PPP1R1C: variants seen among roughly 807,000 people sequenced by gnomAD.
PPP1R1C encodes protein phosphatase 1 regulatory subunit 1C.
PPP1R1C carries 15 observed loss-of-function variants against 17.4 expected under a neutral mutation model. The observed-to-expected ratio is 0.86, with a 90% CI of 0.58 to 1.33. The LOEUF (loss-of-function observed/expected upper bound fraction) is 1.33, where lower values mean the gene tolerates loss of function less well. Ranked by LOEUF, PPP1R1C falls within the 40% of genes most tolerant of loss-of-function variation. PPP1R1C has a pLI of 0.00. For missense variants in PPP1R1C, 143 were observed against 130.0 expected (o/e 1.10, Z -0.48); for synonymous variants, 35 against 43.1 (o/e 0.81, Z 0.73).
chr2:182,090,763 C>T (rs1264856075), intron 4 of PPP1R1C, among the ~76,000 whole-genome samples: 1 of 152,044 alleles, frequency 6.6e-6, no homozygotes, highest in Non-Finnish European at 1.5e-5. Context: ...TTTTCCAAAA[C>T]ATCTAAAGTT....
chr2:182,083,928 TACTTTTTA>T (rs1688553412), intron 4 of PPP1R1C, among the ~76,000 whole-genome samples: 1 of 152,142 alleles, frequency 6.6e-6, no homozygotes, highest in Non-Finnish European at 1.5e-5. Context: ...CAGCATCTGT[TACTTTTTA>T]ACTTTTTAAT....
intron 2 of PPP1R1C, among the ~76,000 whole-genome samples, chr2:182,039,377 T>C (rs777540957): frequency 6.6e-6 from 1 of 152,040 alleles, no homozygotes; most frequent in African/African-American, 2.4e-5. Context: ...TTTTGGGTTG[T>C]TGTTGTTGTT....
intron 2 of PPP1R1C, among the ~76,000 whole-genome samples, chr2:182,059,651 A>G (rs147248187): frequency 1.2e-4 from 19 of 152,252 alleles, no homozygotes; most frequent in Admixed American, 8.5e-4. Context: ...AGACAAGAAT[A>G]TAAGACTGAA....
intron 2 of PPP1R1C, among the ~76,000 whole-genome samples, chr2:182,021,204 T>G (rs1247447013): frequency 1.3e-5 from 2 of 151,882 alleles, no homozygotes; most frequent in Non-Finnish European, 2.9e-5. Context: ...GTAGAAAGAG[T>G]CCTTAATTGT....
At chr2:182,018,765 A>T (rs1686332257) in intron 2 of PPP1R1C, among the ~76,000 whole-genome samples, 1 of 152,198 alleles carries the variant, frequency 6.6e-6, no homozygotes, top group East Asian at 1.9e-4. Context: ...GGAACGAATG[A>T]TAAGGATCTG....
At position 181,962,333 on chromosome 2, in the gene PPP1R1C, G is replaced by T; in HGVS notation, n.111+7699G>T. ...GCCACCCCGGAAGCTGGTGGAGCGG[G>T]ACACGGATATCCGGGAACCAGAGCC... On this transcript the variant is annotated intron_variant and non_coding_transcript_variant, in intron 1 of 5. Coordinates refer to the PPP1R1C transcript ENST00000464264. The surrounding 1 kb of genome is among the most constrained non-coding windows in gnomAD (Gnocchi z 6.0). 1.1e-6 allele frequency: 1 copy of T among 941,178 alleles called. No homozygotes were observed. The highest frequency in any genetic ancestry group is 1.7e-6 in the Non-Finnish European group (1 of 599,158). 58.3% of individuals were successfully genotyped at this position (941,178 alleles called of 1,614,324 possible). A position where few individuals can be genotyped will look rare whatever the true frequency, so the allele number is the denominator to read the frequency against.
chr2:182,070,780 G>A (rs1263875572), intron 4 of PPP1R1C, among the ~76,000 whole-genome samples: 1 of 152,200 alleles, frequency 6.6e-6, no homozygotes, highest in African/African-American at 2.4e-5. Flanking sequence ...TGTACAGGAA[G>A]CATGATGCTA....
chr2:182,109,301 G>T (rs984959700), intron 4 of PPP1R1C, among the ~76,000 whole-genome samples: 1 of 152,060 alleles, frequency 6.6e-6, no homozygotes. Context: ...GCTTGTATTC[G>T]CATCCTTTAC....
intron 4 of PPP1R1C, among the ~76,000 whole-genome samples, chr2:182,110,927 C>T (rs3731690): frequency 0.68 from 102,745 of 151,710 alleles, 35,054 homozygotes; most frequent in African/African-American, 0.75. Context: ...GAAAAATGGG[C>T]ACTAGAGGGG....
intron 4 of PPP1R1C, among the ~76,000 whole-genome samples, chr2:182,116,102 C>T (rs1466632927): frequency 2.0e-5 from 3 of 152,014 alleles, no homozygotes; most frequent in African/African-American, 4.8e-5. Flanking sequence ...GATTTATACT[C>T]TAAATTTGAA....
chr2:182,041,670 T>A (rs935859016), intron 2 of PPP1R1C, among the ~76,000 whole-genome samples: 2 of 149,072 alleles, frequency 1.3e-5, no homozygotes, highest in African/African-American at 2.5e-5. Flanking sequence ...ATAAACTGTA[T>A]GAGCTAAGAA....
chr2:181,958,446 G>A (rs1382008408), intron 1 of PPP1R1C, among the ~76,000 whole-genome samples: 1 of 152,162 alleles, frequency 6.6e-6, no homozygotes, highest in African/African-American at 2.4e-5. Flanking sequence ...CTGGGGATGG[G>A]CATAGGAATC....
intron 2 of PPP1R1C, among the ~76,000 whole-genome samples, chr2:182,054,569 CT>C (rs113398204): frequency 0.023 from 3,360 of 147,244 alleles, 35 homozygotes; most frequent in African/African-American, 0.027. Context: ...TTGAAATTGG[CT>C]TTTTTTTTTC....
At chr2:182,060,797 T>C (rs1402158818) in intron 2 of PPP1R1C, among the ~76,000 whole-genome samples, 1 of 151,956 alleles carries the variant, frequency 6.6e-6, no homozygotes, top group Non-Finnish European at 1.5e-5. Flanking sequence ...ACAATGTAGG[T>C]GACGAGGTAA....
chr2:182,087,217 T>C (rs904407403), intron 4 of PPP1R1C, among the ~76,000 whole-genome samples: 3 of 152,216 alleles, frequency 2.0e-5, no homozygotes. Context: ...TGCAGTTTAT[T>C]CTTAATACAT....
At chr2:182,104,632 T>G (rs1689194353) in intron 4 of PPP1R1C, among the ~76,000 whole-genome samples, 1 of 152,204 alleles carries the variant, frequency 6.6e-6, no homozygotes, top group Non-Finnish European at 1.5e-5. Flanking sequence ...TTAGGATCCT[T>G]TCAATGTGCT....
chr2:182,008,700 A>T (rs925603247), intron 2 of PPP1R1C, among the ~76,000 whole-genome samples: 3 of 152,306 alleles, frequency 2.0e-5, no homozygotes, highest in Non-Finnish European at 4.4e-5. Context: ...CATTTAACTT[A>T]TTTTAAAATG....
At chr2:182,021,278 G>A (rs1220558772) in intron 2 of PPP1R1C, among the ~76,000 whole-genome samples, 1 of 148,810 alleles carries the variant, frequency 6.7e-6, no homozygotes, top group African/African-American at 2.5e-5. Flanking sequence ...CTATTCATAT[G>A]GCCCAAGCCA....
At chr2:182,091,384 T>C (rs1688774928) in intron 4 of PPP1R1C, among the ~76,000 whole-genome samples, 1 of 151,898 alleles carries the variant, frequency 6.6e-6, no homozygotes, top group Non-Finnish European at 1.5e-5. Flanking sequence ...AGTAAAGAGA[T>C]TGGGGTGTAA....
Sources: allele counts gnomAD v4.1 joint callset (sites outside exome capture counted in the v4.1 genomes callset), GRCh38; gene constraint gnomAD v4.1.1; non-coding constraint Gnocchi (gnomAD v3.1); transcripts MANE v1.5; gene names NCBI Gene and HGNC (gene_info 2026-07-23, HGNC 2026-07-21).